Variants in TANGO6 observed in about 807,000 individuals in gnomAD.
The protein encoded by TANGO6 is transport and Golgi organization protein 6 homolog.
TANGO6 carries 90 observed loss-of-function variants against 114.2 expected under a neutral mutation model. That is an observed-to-expected ratio of 0.79 (90% CI 0.66 to 0.94). The LOEUF is 0.94. TANGO6 is among the 40% of genes least tolerant of loss of function. The pLI, the probability that TANGO6 is intolerant of heterozygous loss-of-function variation, is 0.00. For synonymous variants in TANGO6, 477 were observed against 509.8 expected (o/e 0.94, Z 0.87); for missense variants, 1,274 against 1,315.3 (o/e 0.97, Z 0.49).
At chr16:68,964,563 A>ATTT (rs762474177) in intron 14 of TANGO6, among the ~76,000 whole-genome samples, 20 of 133,352 alleles carry the variant, frequency 1.5e-4, no homozygotes, top group East Asian at 2.1e-4. Context: ...AAACATATTA[A>ATTT]TTTTTTTTTT....
chr16:68,909,893 A>G (rs1236462169), intron 11 of TANGO6, among the ~76,000 whole-genome samples: 1 of 152,186 alleles, frequency 6.6e-6, no homozygotes, highest in Non-Finnish European at 1.5e-5. Context: ...CTTGAATTTC[A>G]TTATGGGTCC....
chr16:69,055,429 G>A (rs1960018400), intron 17 of TANGO6, among the ~76,000 whole-genome samples: 1 of 152,190 alleles, frequency 6.6e-6, no homozygotes, highest in Non-Finnish European at 1.5e-5. Flanking sequence ...CATAACCACT[G>A]ATGGTGGCCC....
rs1057341190 is a variant in TANGO6 at position 69,083,661 on chromosome 16, G to A, written c.3285G>A (p.Ter1095=). 6.4e-6 allele frequency: 10 copies of A among 1,555,786 alleles called. No homozygotes were observed. In the Admixed American group the frequency reaches 1.8e-4, roughly 27 times the overall value. Residue 1095 remains the stop codon, a stop_retained_variant, in exon 18 of 18, where the codon TAG becomes TAA. Transcript: ENST00000261778. ...KLEKKIMVLP[*] is the part of the protein sequence containing the mutation. ...AGAAGAAGATCATGGTCCTGCCGTAGACCTGGCTCCAAGGACGTGGAGGAG... is the reference window on the plus strand; with the variant it reads ...AGAAGAAGATCATGGTCCTGCCGTAAACCTGGCTCCAAGGACGTGGAGGAG...
At chr16:68,886,815 C>CT (rs34062659) in intron 7 of TANGO6, among the ~76,000 whole-genome samples, 28 of 145,464 alleles carry the variant, frequency 1.9e-4, no homozygotes, top group African/African-American at 6.3e-4. Flanking sequence ...CTGGCCCATA[C>CT]TTTTTTTTTT....
At chr16:68,919,974 G>A (rs1345080167) in intron 12 of TANGO6, among the ~76,000 whole-genome samples, 5 of 152,164 alleles carry the variant, frequency 3.3e-5, no homozygotes, top group Non-Finnish European at 5.9e-5. Context: ...TTGAACCCAG[G>A]AGCCGGAGGT....
chr16:68,942,902 ATT>A (rs527605851), intron 14 of TANGO6, among the ~76,000 whole-genome samples: 3,133 of 143,088 alleles, frequency 0.022, 92 homozygotes, highest in African/African-American at 0.074. Flanking sequence ...TTAATTTTTA[ATT>A]TTTTTTTTTT....
intron 13 of TANGO6, among the ~76,000 whole-genome samples, chr16:68,929,911 C>A (rs1334257063): frequency 1.3e-5 from 2 of 152,186 alleles, no homozygotes; most frequent in Non-Finnish European, 2.9e-5. Context: ...TCTTGTGTGT[C>A]ACACCCCGTA....
At chr16:68,896,732 G>A (rs1433515372) in intron 7 of TANGO6, among the ~76,000 whole-genome samples, 3 of 152,128 alleles carry the variant, frequency 2.0e-5, no homozygotes, top group Non-Finnish European at 4.4e-5. Context: ...TATAGATCAA[G>A]GAGAGGCCAT....
At chr16:68,883,238 A>G (rs1270706730) in intron 7 of TANGO6, among the ~76,000 whole-genome samples, 1 of 152,204 alleles carries the variant, frequency 6.6e-6, no homozygotes, top group African/African-American at 2.4e-5. Context: ...GTGTACAGGC[A>G]TGCCTGTCAT....
intron 7 of TANGO6, among the ~76,000 whole-genome samples, chr16:68,896,906 A>G (rs1432023670): frequency 6.6e-6 from 1 of 151,574 alleles, no homozygotes; most frequent in East Asian, 1.9e-4. Context: ...ATTCTTTTTT[A>G]TTTTTTTATT....
intron 14 of TANGO6, among the ~76,000 whole-genome samples, chr16:68,943,958 G>C (rs1044932564): frequency 6.6e-6 from 1 of 152,166 alleles, no homozygotes; most frequent in Non-Finnish European, 1.5e-5. Context: ...AAGAAGGGGA[G>C]GGGCAAGCTC....
intron 1 of TANGO6, among the ~76,000 whole-genome samples, chr16:68,856,018 AGTT>A (rs1260306079): frequency 1.3e-5 from 2 of 152,074 alleles, no homozygotes; most frequent in Non-Finnish European, 1.5e-5. Context: ...TAGTTCTAGT[AGTT>A]GTTTTATAGA....
intron 15 of TANGO6, among the ~76,000 whole-genome samples, chr16:68,999,162 C>T (rs916739714): frequency 1.3e-5 from 2 of 152,200 alleles, no homozygotes; most frequent in African/African-American, 4.8e-5. Context: ...GGATTACAGG[C>T]ATGAGCTACC....
chr16:69,082,009 C>T (rs1240926833), intron 17 of TANGO6, among the ~76,000 whole-genome samples: 1 of 151,644 alleles, frequency 6.6e-6, no homozygotes, highest in African/African-American at 2.4e-5. Context: ...GAGTCTAGCT[C>T]TGTCACCCAG....
At chr16:69,010,090 A>T (rs1004789030) in intron 15 of TANGO6, among the ~76,000 whole-genome samples, 3 of 152,130 alleles carry the variant, frequency 2.0e-5, no homozygotes, top group Non-Finnish European at 4.4e-5. Flanking sequence ...TCATCTTATC[A>T]TTCTATTTGC....
intron 17 of TANGO6, among the ~76,000 whole-genome samples, chr16:69,040,880 C>G (rs1567564060): frequency 6.6e-6 from 1 of 152,054 alleles, no homozygotes; most frequent in Admixed American, 6.6e-5. Context: ...AATTTTCTTC[C>G]TCCTTCAAGT....
intron 14 of TANGO6, among the ~76,000 whole-genome samples, chr16:68,939,737 A>G (rs897496512): frequency 3.3e-5 from 5 of 152,214 alleles, no homozygotes; most frequent in African/African-American, 1.2e-4. Context: ...ATGTATAAAT[A>G]TGTATATGTA....
rs776428898 is a variant in TANGO6, at chr16:69,040,396, G to A, written c.3083G>A (p.Arg1028Gln). ...AAIHVVVLLL[R>Q]GLSQKATEVL... ...ATACATGTGGTTGTGCTGCTGCTTC[G>A]GGGACTCAGCCAGAAAGCTACTGAG... The change falls in exon 17 of 18, where the codon CGG (arginine) becomes CAG (glutamine). Residue 1028 changes from arginine (R) to glutamine (Q), a missense_variant. Arg to Gln is a conservative substitution (Grantham distance 43). Around this residue, in one of 5 missense-constraint regions of TANGO6, gnomAD observed 238 missense variants for 252.9 expected, o/e 0.94. Transcript: ENST00000261778. 1.5e-4 allele frequency: 247 copies of A among 1,605,202 alleles called. 1 individual carries two copies. Among genetic ancestry groups the A allele is most frequent in the Non-Finnish European group, 1.9e-4 (221 of 1,176,152 alleles).
In TANGO6 at chr16:68,983,888, C is replaced by G. The variant is rs184362295; in HGVS notation, c.2842+9720C>G. On this transcript the variant is annotated intron_variant, in intron 15 of 17. Transcript: ENST00000261778. ...CTCTAATAAAAATACAAAAAATTAG[C>G]CAGTCGTGTTGGCGGGTGCCTGTTG... is the stretch of plus-strand genomic sequence containing the variant. Among the ~76,000 whole-genome samples the G allele has an allele frequency of 2.0e-4, 30 of 152,012 alleles. 1 individual carries two copies. Among genetic ancestry groups the G allele is most frequent in the Admixed American group, 1.6e-3 (24 of 15,250 alleles).
Sources: allele counts gnomAD v4.1 joint callset (sites outside exome capture counted in the v4.1 genomes callset), GRCh38; gene constraint gnomAD v4.1.1; regional missense constraint gnomAD v4.1.1; transcripts MANE v1.5; gene names NCBI Gene and HGNC (gene_info 2026-07-23, HGNC 2026-07-21).